BRPF1: variants seen among roughly 807,000 people sequenced by gnomAD.
BRPF1 encodes peregrin.
Under a neutral mutation model 115.0 loss-of-function variants are expected in BRPF1, and 15 were observed. The observed-to-expected ratio is 0.13, with a 90% CI of 0.09 to 0.20. The LOEUF is 0.20. Ranked by LOEUF, BRPF1 falls within the 10% of genes least tolerant of loss-of-function variation. BRPF1 has a pLI of 1.00. For synonymous variants in BRPF1, 647 were observed against 619.8 expected, an observed-to-expected ratio of 1.04 and a Z score of -0.65; for missense variants, 1,118 against 1,638.3, an observed-to-expected ratio of 0.68 and a Z score of 5.48.
In BRPF1 at chr3:9,745,092, G is replaced by A. The variant is rs750013639; in HGVS notation, c.3005G>A (p.Arg1002Gln). 2 of 1,614,206 alleles carry A rather than the reference G, an allele frequency of 1.2e-6. No individual in the cohort carries two copies. Among genetic ancestry groups the A allele is most frequent in the Non-Finnish European group, 8.5e-7 (1 of 1,180,036 alleles). The change falls in exon 10 of 14, where the codon CGG (arginine) becomes CAG (glutamine). Residue 1002 changes from arginine to glutamine, a missense_variant. By Grantham distance (43) the Arg-to-Gln change is conservative (BLOSUM62 1). This residue lies in a region of BRPF1 where 15 missense variants were observed against 43.7 expected (regional missense o/e 0.34). Coordinates refer to ENST00000383829, the MANE Select transcript of BRPF1 (RefSeq NM_001003694.2). The surrounding 1 kb of genome is among the most constrained non-coding windows in gnomAD (Gnocchi z 5.1). The part of the protein sequence containing the change: ...LVYRNDCSLP[R>Q]SSSDSESSSS... The stretch of plus-strand genomic sequence containing the variant: ...TACCGTAATGACTGCAGCCTTCCCC[G>A]GAGCAGCTCAGACTCTGAGTCCAGC...
chr3:9,739,823 G>T lies in BRPF1; in HGVS notation c.1424G>T (p.Gly475Val). 1.2e-6 allele frequency: 2 copies of T among 1,605,414 alleles called. No homozygotes were observed. Among genetic ancestry groups the T allele is most frequent in the South Asian group, 1.1e-5 (1 of 90,036 alleles). Reference sequence around the variant, plus strand: ...GATGAAGATGAGGAGGAGGATGAGGGTAAGGGCTGGAGCTCAGAGAAAGTC... The same window carrying T: ...GATGAAGATGAGGAGGAGGATGAGGTTAAGGGCTGGAGCTCAGAGAAAGTC... ...EEDEDEEEDE[G>V]KGWSSEKVKK... Residue 475 changes from glycine (G) to valine (V), a missense_variant, in exon 3 of 14, where the codon GGT becomes GTT. This residue lies in a region of BRPF1 where 87 missense variants were observed against 93.4 expected (regional missense o/e 0.93). Transcript: ENST00000383829.
chr3:9,739,743 G>A lies in BRPF1; in HGVS notation c.1344G>A (p.Thr448=), dbSNP rs745434132. 6.2e-6 allele frequency: 10 copies of A among 1,614,068 alleles called. No individual in the cohort carries two copies. The highest frequency in any genetic ancestry group is 2.2e-5 in the East Asian group (1 of 44,900). ...AGACAGCCTACTGCGACATCCACAC[G>A]CCTCCAGGTTCAGCACGCCGACTGC... ...VRKTAYCDIH[T]PPGSARRLPA... is the part of the protein sequence containing the mutation. The change falls in exon 3 of 14, where the codon ACG becomes ACA. Residue 448 remains threonine (T), a synonymous_variant. Transcript: ENST00000383829.
In BRPF1 at chr3:9,743,370, C is replaced by T; in HGVS notation, c.2311+117C>T. 6 of 1,376,500 alleles carry T rather than the reference C, an allele frequency of 4.4e-6. No homozygotes were observed. The highest frequency in any genetic ancestry group is 5.9e-6 in the Non-Finnish European group (6 of 1,021,602). The allele number at this position is 1,376,500 out of a possible 1,614,324, so 85.3% of individuals were successfully genotyped here. On this transcript the variant is annotated intron_variant, in intron 7 of 13. Transcript: ENST00000383829. This position sits in a 1 kb window ranked among gnomAD's most constrained non-coding sequence, Gnocchi z 6.1. Reference sequence around the variant, plus strand: ...AGAAAGCAGCTAGGCTGAGCAGTGGCAAGCTATCCCCAGGAATGCTCCCCA... The same window carrying T: ...AGAAAGCAGCTAGGCTGAGCAGTGGTAAGCTATCCCCAGGAATGCTCCCCA...
chr3:9,739,196 C>T lies in BRPF1; in HGVS notation c.797C>T (p.Pro266Leu). The T allele has an allele frequency of 1.2e-6, 2 of 1,613,780 alleles. No individual in the cohort carries two copies. The highest frequency in any genetic ancestry group is 2.7e-5 in the African/African-American group (2 of 75,024). ...TTTGAGAGTCATAATAAAGGCGACC[C>T]TAATGCGCTAGTGGACGAGGATGCT... ...SYFESHNKGD[P>L]NALVDEDAVC... Residue 266 changes from proline to leucine, a missense_variant, in exon 3 of 14, where the codon CCT becomes CTT. By Grantham distance (98) the Pro-to-Leu change is moderately conservative (BLOSUM62 -3). Around this residue, in one of 10 missense-constraint regions of BRPF1, gnomAD observed 280 missense variants for 382.8 expected, o/e 0.73. Transcript: ENST00000383829.
At position 9,731,752 on chromosome 3, in the gene BRPF1, T is replaced by A. The variant is rs2076853455; in HGVS notation, c.-397T>A. On this transcript the variant is annotated 5_prime_UTR_variant, in exon 1 of 14. Coordinates refer to ENST00000383829, the MANE Select transcript of BRPF1 (RefSeq NM_001003694.2). ...CCACGTTTACCCTGCGCAGACGCCG[T>A]CGCCGCCGCTGCTGCCGCCGCCGCT... The A allele has an allele frequency of 6.4e-6, 1 of 155,906 alleles. No homozygotes were observed. Among genetic ancestry groups the A allele is most frequent in the Non-Finnish European group, 1.4e-5 (1 of 70,894 alleles). The allele number at this position is 155,906 out of a possible 1,614,324, so 9.7% of individuals were successfully genotyped here. A position where few individuals can be genotyped will look rare whatever the true frequency, so the allele number is the denominator to read the frequency against.
rs1363043224 is a variant in BRPF1 at position 9,731,921 on chromosome 3, C to T, written c.-228C>T. On this transcript the variant is annotated 5_prime_UTR_variant, in exon 1 of 14. Coordinates refer to ENST00000383829, the MANE Select transcript of BRPF1 (RefSeq NM_001003694.2). ...GGCGGCGGCCGACGGAGTTGAGACC[C>T]CAGGGCGCCGGCGGGACCAGGAGCG... is the stretch of plus-strand genomic sequence containing the variant. 6.6e-6 allele frequency: 1 copy of T among 152,402 alleles called. No individual in the cohort carries two copies. The highest frequency in any genetic ancestry group is 2.4e-5 in the African/African-American group (1 of 41,466). The allele number at this position is 152,402 out of a possible 1,614,324, so 9.4% of individuals were successfully genotyped here.
intron 2 of BRPF1, among the ~76,000 whole-genome samples, chr3:9,737,000 G>C (rs776747889): frequency 2.6e-5 from 4 of 152,212 alleles, no homozygotes; most frequent in Admixed American, 2.0e-4. Context: ...TGTCATGGCA[G>C]AGAAAAGGGT....
At position 9,734,230 on chromosome 3, in the gene BRPF1, G is replaced by A. The variant is rs954283319; in HGVS notation, c.90G>A (p.Lys30=). 1.9e-6 allele frequency: 3 copies of A among 1,613,974 alleles called. No individual in the cohort carries two copies. The African/African-American group carries it at 4.0e-5, about 22-fold the overall frequency. ...AGTGCCCGGTGGAGACCTGCCGAAA[G>A]GTCTACAAGAGTTACAGTGGTATTG... ...PYECPVETCR[K]VYKSYSGIEY... is the part of the protein sequence containing the mutation. Residue 30 remains lysine, a synonymous_variant, in exon 2 of 14, where the codon AAG becomes AAA. Transcript: ENST00000383829. This position sits in a 1 kb window ranked among gnomAD's most constrained non-coding sequence, Gnocchi z 5.7.
chr3:9,738,171 A>G (rs159155), intron 2 of BRPF1, among the ~76,000 whole-genome samples: 41,810 of 151,868 alleles, frequency 0.28, 6,203 homozygotes, highest in African/African-American at 0.37. Flanking sequence ...TTGGCATAGT[A>G]AGTGATACAG....
chr3:9,740,078 TAAAAAG>T, intron 3 of BRPF1, 120 bp downstream of exon 3: 1 of 1,406,944 alleles, frequency 7.1e-7, no homozygotes, highest in Non-Finnish European at 9.3e-7. Context: ...GCATAGAAGT[TAAAAAG>T]AACATATTTT....
chr3:9,741,339 A>C lies in BRPF1; in HGVS notation c.1754A>C (p.Lys585Thr). The change falls in exon 5 of 14, where the codon AAA becomes ACA. Residue 585 changes from lysine (K) to threonine (T), a missense_variant. This residue lies in a region of BRPF1 where 178 missense variants were observed against 303.7 expected (regional missense o/e 0.59). Transcript: ENST00000383829. Reference protein sequence around the residue: ...RDSEDKNWALKEQLKSWQRLR... With the variant: ...RDSEDKNWALTEQLKSWQRLR... ...TCTGAGGATAAGAACTGGGCCCTTA[A>C]AGAACAGCTCAAGTCCTGGCAGCGG... 1 of 1,600,476 alleles carries C rather than the reference A, an allele frequency of 6.2e-7. No individual in the cohort carries two copies. Among genetic ancestry groups the C allele is most frequent in the Admixed American group, 1.7e-5 (1 of 58,716 alleles).
chr3:9,739,260 C>G lies in BRPF1; in HGVS notation c.861C>G (p.Ser287Arg). 6.2e-7 allele frequency: 1 copy of G among 1,612,562 alleles called. No individual in the cohort carries two copies. The highest frequency in any genetic ancestry group is 8.5e-7 in the Non-Finnish European group (1 of 1,178,744). The change falls in exon 3 of 14, where the codon AGC becomes AGG. Residue 287 changes from serine to arginine, a missense_variant. Physicochemically the swap from Ser to Arg is moderately radical, Grantham distance 110. Around this residue, in one of 10 missense-constraint regions of BRPF1, gnomAD observed 280 missense variants for 382.8 expected, o/e 0.73. Transcript: ENST00000383829. ...GCAATGATGGTGAGTGCCAGAACAG[C>G]AATGTCATCCTCTTCTGTGACATGT... ...CICNDGECQN[S>R]NVILFCDMCN...
chr3:9,747,480 G>A lies in BRPF1; in HGVS notation c.*131G>A. 8.7e-7 allele frequency: 1 copy of A among 1,144,766 alleles called. No individual in the cohort carries two copies. The highest frequency in any genetic ancestry group is 1.5e-5 in the South Asian group (1 of 68,012). 70.9% of individuals were successfully genotyped at this position (1,144,766 alleles called of 1,614,324 possible). On this transcript the variant is annotated 3_prime_UTR_variant, in exon 14 of 14. Coordinates refer to ENST00000383829, the MANE Select transcript of BRPF1 (RefSeq NM_001003694.2). This position sits in a 1 kb window ranked among gnomAD's most constrained non-coding sequence, Gnocchi z 5.6. ...TGGGGCCAGTCTCAGGGGAAGCTGG[G>A]TGGGGGAGGTCCCTCCTGCCCTAAG...
intron 1 of BRPF1, among the ~76,000 whole-genome samples, chr3:9,733,007 G>A (rs527984116): frequency 6.6e-6 from 1 of 152,294 alleles, no homozygotes; most frequent in Admixed American, 6.5e-5. Flanking sequence ...GGCCCCTGCG[G>A]ACCAGCATGG....
rs148271632 is a variant in BRPF1, at chr3:9,736,295, C to T, written c.599+1556C>T. ...TGCTGGGATGACAGGCATGAGCCAC[C>T]GCGCCCGGCCTAAATCTCAGTTCTT... is the stretch of plus-strand genomic sequence containing the variant. On this transcript the variant is annotated intron_variant, in intron 2 of 13. Transcript: ENST00000383829. 2.3e-3 allele frequency among the ~76,000 whole-genome samples: 344 copies of T among 152,256 alleles called. 3 individuals carry two copies. Among genetic ancestry groups the T allele is most frequent in the South Asian group, 3.3e-3 (16 of 4,826 alleles).
rs1045596834 is a variant in BRPF1, at chr3:9,740,798, C to T, written c.1579C>T (p.Arg527Cys). ...PPHRLSKITN[R>C]LTIQRKSQFM... The stretch of plus-strand genomic sequence containing the variant: ...TCCCAGGCTTAGTAAAATCACCAAC[C>T]GCCTGACCATCCAAAGGAAGAGCCA... Residue 527 changes from arginine (R) to cysteine (C), a missense_variant, in exon 4 of 14, where the codon CGC becomes TGC. Physicochemically the swap from Arg to Cys is radical, Grantham distance 180 (BLOSUM62 -3). Coordinates refer to ENST00000383829, the MANE Select transcript of BRPF1 (RefSeq NM_001003694.2). 1.9e-5 allele frequency: 31 copies of T among 1,614,026 alleles called. No homozygotes were observed. Among genetic ancestry groups the T allele is most frequent in the African/African-American group, 4.0e-5 (3 of 74,922 alleles).
At chr3:9,746,238 G>C in intron 12 of BRPF1, 62 bp from the exon 13 acceptor site, 1 of 1,486,496 alleles carries the variant, frequency 6.7e-7, no homozygotes, top group Non-Finnish European at 9.0e-7. Flanking sequence ...CTAAGTTCTT[G>C]AGGAGGAAAA....
At chr3:9,741,233 C>T (rs17050540) in intron 4 of BRPF1, 75 bp from the exon 5 acceptor site, 61,657 of 1,501,776 alleles carry the variant, frequency 0.041, 1,507 homozygotes, top group South Asian at 0.084. Flanking sequence ...ACCTGAGTTT[C>T]CTGGGCTCTC....
intron 4 of BRPF1, 151 bp from the exon 5 acceptor site, chr3:9,741,157 C>CCAGGCCTTGGGGACA: frequency 9.2e-7 from 1 of 1,086,016 alleles, no homozygotes; most frequent in East Asian, 2.4e-5. Context: ...ATTTATTCTG[C>CCAGGCCTTGGGGACA]CAGGCCTTGG....
Sources: gnomAD v4.1 joint callset for allele counts (sites outside exome capture counted in the v4.1 genomes callset) on GRCh38, gnomAD v4.1.1 for gene constraint, gnomAD v4.1.1 regional missense constraint, Gnocchi (gnomAD v3.1) non-coding constraint, MANE v1.5 for transcripts, NCBI Gene and HGNC (gene_info 2026-07-23, HGNC 2026-07-21) for gene names.